Variants in RBFOX1 observed in about 807,000 individuals in gnomAD.
RBFOX1 encodes RNA binding fox-1 homolog 1.
A neutral mutation model predicts 57.7 loss-of-function variants in RBFOX1; 8 were observed. That is an observed-to-expected ratio of 0.14 (90% confidence interval 0.08 to 0.25). RBFOX1 has a LOEUF of 0.25. Among genes scored for constraint, RBFOX1 ranks in the 10% least tolerant of loss-of-function variants. RBFOX1 has a pLI of 1.00. For synonymous variants in RBFOX1, 326 were observed against 222.4 expected, an observed-to-expected ratio of 1.47 and a Z score of -4.15; for missense variants, 611 against 548.5, an observed-to-expected ratio of 1.11 and a Z score of -1.14.
At chr16:5,433,180 GC>G (rs2067806807) in intron 1 of RBFOX1, among the ~76,000 whole-genome samples, 1 of 152,180 alleles carries the variant, frequency 6.6e-6, no homozygotes, top group Non-Finnish European at 1.5e-5. Context: ...GCTGTGCGTG[GC>G]TGAGGCCCAT....
In RBFOX1 at chr16:6,193,945, C is replaced by T. The variant is rs117674363; in HGVS notation, c.-126-123050C>T. Among the ~76,000 whole-genome samples the T allele has an allele frequency of 6.0e-4, 91 of 152,286 alleles. No individual in the cohort carries two copies. In the East Asian group the frequency reaches 0.012, roughly 20 times the overall value. The stretch of plus-strand genomic sequence containing the variant: ...AGTTGCTCTCCAAGGTTCTGACCTC[C>T]GCCTCTTGGCTTTCCATTGTGTTTT... On this transcript the variant is annotated intron_variant, in intron 1 of 15. Transcript: ENST00000550418.
chr16:5,988,822 G>A (rs956667553), intron 4 of RBFOX1, among the ~76,000 whole-genome samples: 2 of 152,112 alleles, frequency 1.3e-5, no homozygotes, highest in African/African-American at 4.8e-5. Flanking sequence ...AATGCATAGT[G>A]ATAGTTAACC....
intron 4 of RBFOX1, among the ~76,000 whole-genome samples, chr16:7,184,362 G>A (rs1036258368): frequency 3.9e-5 from 6 of 152,234 alleles, no homozygotes; most frequent in African/African-American, 1.4e-4. Context: ...GAAAAAAACA[G>A]ATGCAAGTGC....
At chr16:6,780,526 A>G (rs1371789776) in intron 3 of RBFOX1, among the ~76,000 whole-genome samples, 1 of 128,834 alleles carries the variant, frequency 7.8e-6, no homozygotes, top group African/African-American at 3.0e-5. Context: ...ACATTTATAT[A>G]TATTTATATA....
At chr16:5,382,323 A>G in intron 1 of RBFOX1, among the ~76,000 whole-genome samples, 1 of 151,988 alleles carries the variant, frequency 6.6e-6, no homozygotes. Context: ...CTCTTTGAAA[A>G]CTATTCGGGC....
chr16:7,240,888 CTCT>C (rs1310203620), intron 4 of RBFOX1, among the ~76,000 whole-genome samples: 1 of 152,142 alleles, frequency 6.6e-6, no homozygotes, highest in African/African-American at 2.4e-5. Flanking sequence ...TTTTTTGAAA[CTCT>C]TCTTGAAGTA....
At chr16:5,927,554 T>C (rs978212388) in intron 4 of RBFOX1, among the ~76,000 whole-genome samples, 1 of 152,180 alleles carries the variant, frequency 6.6e-6, no homozygotes, top group African/African-American at 2.4e-5. Flanking sequence ...CCCCCAAAAG[T>C]AGAAGTAGAA....
intron 2 of RBFOX1, among the ~76,000 whole-genome samples, chr16:6,476,422 A>C (rs2095272821): frequency 6.6e-6 from 1 of 152,200 alleles, no homozygotes; most frequent in African/African-American, 2.4e-5. Context: ...ATCATAATAG[A>C]GGGAGTCACA....
chr16:5,763,344 G>T (rs1279497387), intron 3 of RBFOX1, among the ~76,000 whole-genome samples: 1 of 152,186 alleles, frequency 6.6e-6, no homozygotes, highest in African/African-American at 2.4e-5. Context: ...CGTTGCCCAA[G>T]TTGGCTGTGC....
intron 5 of RBFOX1, among the ~76,000 whole-genome samples, chr16:7,534,072 C>T (rs1004567068): frequency 6.8e-6 from 1 of 146,406 alleles, no homozygotes; most frequent in African/African-American, 2.5e-5. Context: ...GTCAAAGGTC[C>T]CAACGTTTTT....
intron 3 of RBFOX1, among the ~76,000 whole-genome samples, chr16:6,894,097 G>T (rs907240607): frequency 1.4e-4 from 21 of 151,994 alleles, no homozygotes; most frequent in African/African-American, 5.1e-4. Flanking sequence ...TTGATAGATA[G>T]ACGAACAGAT....
intron 3 of RBFOX1, among the ~76,000 whole-genome samples, chr16:5,648,216 A>G (rs112254207): frequency 3.6e-4 from 55 of 152,318 alleles, no homozygotes; most frequent in African/African-American, 1.2e-3. Flanking sequence ...GATATGCAGG[A>G]GGAGAATTCA....
At chr16:5,813,558 A>C (rs2055512461) in intron 3 of RBFOX1, among the ~76,000 whole-genome samples, 2 of 152,242 alleles carry the variant, frequency 1.3e-5, no homozygotes, top group South Asian at 4.1e-4. Context: ...GCCAGGCATA[A>C]AAGGTCACAT....
At chr16:5,318,693 ATG>A (rs1272873848) in intron 1 of RBFOX1, among the ~76,000 whole-genome samples, 1 of 152,220 alleles carries the variant, frequency 6.6e-6, no homozygotes, top group Non-Finnish European at 1.5e-5. Flanking sequence ...CTCAGCCCTG[ATG>A]TGTACACTTT....
At chr16:6,457,200 T>C (rs1340055212) in intron 2 of RBFOX1, among the ~76,000 whole-genome samples, 1 of 152,076 alleles carries the variant, frequency 6.6e-6, no homozygotes, top group Non-Finnish European at 1.5e-5. Context: ...TATAAGACAG[T>C]CTAAGCACCA....
intron 1 of RBFOX1, among the ~76,000 whole-genome samples, chr16:6,060,422 C>G (rs533246135): frequency 1.2e-4 from 19 of 152,214 alleles, no homozygotes; most frequent in South Asian, 2.1e-4. Flanking sequence ...GAAGGGTTAG[C>G]TGTAATTTTT....
intron 1 of RBFOX1, among the ~76,000 whole-genome samples, chr16:6,150,919 A>C (rs75706938): frequency 0.016 from 2,380 of 152,236 alleles, 55 homozygotes; most frequent in African/African-American, 0.05. Flanking sequence ...TCATTGATTG[A>C]CACCTTGGGC....
At chr16:5,338,415 A>T (rs1278144652) in intron 1 of RBFOX1, among the ~76,000 whole-genome samples, 1 of 152,166 alleles carries the variant, frequency 6.6e-6, no homozygotes, top group Non-Finnish European at 1.5e-5. Flanking sequence ...CTTGCCAAGG[A>T]GAAGCAGGAC....
rs556566617 is a variant in RBFOX1, at chr16:7,383,367, CAAAA to C, written c.28-134776_28-134773del. On this transcript the variant is annotated intron_variant, in intron 4 of 15. Transcript: ENST00000550418. ...TTAGGCTCCCCAGTGGAGGCAAAAA[CAAAA>C]AAAGCAGATGGCAAATATGTTAGTG... 4.3e-3 allele frequency among the ~76,000 whole-genome samples: 646 copies of C among 151,118 alleles called. 5 individuals are homozygous for C. Among genetic ancestry groups the C allele is most frequent in the Non-Finnish European group, 6.7e-3 (451 of 67,804 alleles).
Sources: allele counts gnomAD v4.1 joint callset (sites outside exome capture counted in the v4.1 genomes callset), GRCh38; gene constraint gnomAD v4.1.1; transcripts MANE v1.5; gene names NCBI Gene and HGNC (gene_info 2026-07-23, HGNC 2026-07-21).